Variants in AMPH observed in about 807,000 individuals in gnomAD.
AMPH encodes the protein amphiphysin (Stiff-Mann syndrome with breast cancer 128kD autoantigen).
Under a neutral mutation model 99.1 loss-of-function variants are expected in AMPH, and 49 were observed. The ratio of observed to expected loss-of-function variants is 0.49; its 90% CI spans 0.39 to 0.63. The LOEUF is 0.63. Among genes scored for constraint, AMPH ranks in the 20% least tolerant of loss-of-function variants. AMPH has a pLI of 0.00. For synonymous variants in AMPH, 314 were observed against 317.3 expected (o/e 0.99, Z 0.11); for missense variants, 759 against 863.4 (o/e 0.88, Z 1.52).
intron 12 of AMPH, among the ~76,000 whole-genome samples, chr7:38,434,948 T>A (rs1024630497): frequency 6.6e-6 from 1 of 152,232 alleles, no homozygotes; most frequent in African/African-American, 2.4e-5. Context: ...TTAGAGAACA[T>A]TCCAATGAAT....
chr7:38,513,317 AT>A (rs1789611921), intron 2 of AMPH, among the ~76,000 whole-genome samples: 2 of 152,288 alleles, frequency 1.3e-5, no homozygotes, highest in South Asian at 4.1e-4. Context: ...CAACAATTTC[AT>A]ACTATTTAGC....
At chr7:38,468,805 T>C (rs1787764825) in intron 7 of AMPH, among the ~76,000 whole-genome samples, 2 of 152,194 alleles carry the variant, frequency 1.3e-5, no homozygotes, top group South Asian at 4.1e-4. Context: ...CATTCCACTA[T>C]AAGAGCATAT....
intron 1 of AMPH, among the ~76,000 whole-genome samples, chr7:38,567,794 T>G (rs193058042): frequency 1.7e-3 from 258 of 152,278 alleles, no homozygotes; most frequent in Non-Finnish European, 3.1e-3. Flanking sequence ...GAGTTTTGTG[T>G]TTACATCATT....
At chr7:38,422,748 A>G (rs1218822577) in intron 15 of AMPH, among the ~76,000 whole-genome samples, 1 of 152,052 alleles carries the variant, frequency 6.6e-6, no homozygotes. Context: ...CCTCCTGAGT[A>G]GCTAGAAGTA....
chr7:38,394,622 C>A (rs1283855746), intron 17 of AMPH, among the ~76,000 whole-genome samples: 1 of 152,162 alleles, frequency 6.6e-6, no homozygotes, highest in Non-Finnish European at 1.5e-5. Flanking sequence ...ACTTACCATG[C>A]CAAAGGAAAG....
intron 12 of AMPH, among the ~76,000 whole-genome samples, chr7:38,433,280 T>C (rs10281867): frequency 0.25 from 38,558 of 152,192 alleles, 5,069 homozygotes; most frequent in East Asian, 0.39. Flanking sequence ...CCATGCAGCC[T>C]GCCTGGTCTC....
intron 4 of AMPH, 54 bp downstream of exon 4, chr7:38,494,379 A>T: frequency 7.0e-7 from 1 of 1,428,752 alleles, no homozygotes; most frequent in Non-Finnish European, 9.9e-7. Flanking sequence ...GTCAGGGGAC[A>T]GGTGGACTGA....
intron 2 of AMPH, among the ~76,000 whole-genome samples, 166 bp downstream of exon 2, chr7:38,534,765 T>C (rs1790535831): frequency 6.6e-6 from 1 of 152,230 alleles, no homozygotes; most frequent in Non-Finnish European, 1.5e-5. Context: ...TCTATGGCTC[T>C]TTCCCCGTCT....
intron 2 of AMPH, among the ~76,000 whole-genome samples, chr7:38,524,002 G>C (rs746208155): frequency 5.9e-5 from 9 of 152,034 alleles, no homozygotes; most frequent in Non-Finnish European, 1.2e-4. Context: ...TATCTTACTA[G>C]AGATACCTGC....
Position 38,598,673 on chromosome 7 carries a change from G to T in AMPH, c.69+32610C>A, listed in dbSNP as rs141811854. ...TAATTTATATTTTATAGGTTTATCA[G>T]CCTGTTTCTAATTCCGTATTTTCTT... On this transcript the variant is annotated intron_variant, in intron 1 of 20. Coordinates refer to ENST00000356264, the MANE Select transcript of AMPH (RefSeq NM_001635.4). 4.8e-3 allele frequency among the ~76,000 whole-genome samples: 737 copies of T among 152,190 alleles called. 6 individuals carry two copies. The highest frequency in any genetic ancestry group is 0.017 in the African/African-American group (687 of 41,536).
rs569088562 is a variant in AMPH at position 38,436,528 on chromosome 7, C to G, written c.1018-140G>C. The G allele has an allele frequency of 9.2e-5, 59 of 642,176 alleles. 1 individual carries two copies. The African/African-American group carries it at 9.5e-4, about 10-fold the overall frequency. The allele number at this position is 642,176 out of a possible 1,614,324, so 39.8% of individuals were successfully genotyped here. A position where few individuals can be genotyped will look rare whatever the true frequency, so the allele number is the denominator to read the frequency against. ...CACTTTTATAAGCATGGTGGCTCACCCATATGCACCCAGTCACTCAGCTAA... is the reference window on the plus strand; with the variant it reads ...CACTTTTATAAGCATGGTGGCTCACGCATATGCACCCAGTCACTCAGCTAA... On this transcript the variant is annotated intron_variant, in intron 11 of 20. Coordinates refer to ENST00000356264, the MANE Select transcript of AMPH (RefSeq NM_001635.4).
chr7:38,562,553 A>T (rs1409020536), intron 1 of AMPH, among the ~76,000 whole-genome samples: 1 of 152,148 alleles, frequency 6.6e-6, no homozygotes, highest in African/African-American at 2.4e-5. Context: ...AAGTTGAGGA[A>T]TCCTAAGTCC....
intron 17 of AMPH, among the ~76,000 whole-genome samples, chr7:38,412,144 T>C (rs1252918208): frequency 6.6e-6 from 1 of 152,212 alleles, no homozygotes. Flanking sequence ...GAAAATGTTT[T>C]GGAACGAGAT....
intron 1 of AMPH, among the ~76,000 whole-genome samples, chr7:38,573,616 T>C (rs1792128047): frequency 6.6e-6 from 1 of 152,278 alleles, no homozygotes; most frequent in South Asian, 2.1e-4. Context: ...TACAGACTTC[T>C]AATGTTCATG....
chr7:38,388,552 C>A (rs990605631), intron 20 of AMPH, among the ~76,000 whole-genome samples: 1 of 151,036 alleles, frequency 6.6e-6, no homozygotes, highest in Admixed American at 6.6e-5. Flanking sequence ...TTTTAACTCA[C>A]ACTATGATTT....
intron 1 of AMPH, among the ~76,000 whole-genome samples, chr7:38,599,334 C>G (rs1584290023): frequency 1.3e-5 from 2 of 152,338 alleles, no homozygotes; most frequent in Admixed American, 1.3e-4. Context: ...CCTCATCCTC[C>G]TCAGCCTACT....
chr7:38,449,192 G>A lies in AMPH; in HGVS notation c.1017+12091C>T, dbSNP rs367732884. Among the ~76,000 whole-genome samples the A allele has an allele frequency of 2.6e-5, 4 of 152,090 alleles. No individual in the cohort carries two copies. In the East Asian group the frequency reaches 7.7e-4, roughly 29 times the overall value. On this transcript the variant is annotated intron_variant, in intron 11 of 20. Coordinates refer to ENST00000356264, the MANE Select transcript of AMPH (RefSeq NM_001635.4). ...ACTTTGCTAATATCAACACTCAAAC[G>A]AGTTCTAGAGAACCTGCATCCTGGA...
At chr7:38,497,863 T>C (rs144950410) in intron 3 of AMPH, among the ~76,000 whole-genome samples, 110 of 152,276 alleles carry the variant, frequency 7.2e-4, no homozygotes, top group African/African-American at 2.5e-3. Flanking sequence ...ACCCTACCCC[T>C]TAGTCATGCC....
rs560796870 is a variant in AMPH at position 38,470,408 on chromosome 7, G to A, written c.591-4160C>T. ...AAACCCCTCTGGACGTTTACCAAAG[G>A]TGATGCCTCTTTAGTCCTCATCTGC... is the stretch of plus-strand genomic sequence containing the variant. On this transcript the variant is annotated intron_variant, in intron 7 of 20. Coordinates refer to ENST00000356264, the MANE Select transcript of AMPH (RefSeq NM_001635.4). Among the ~76,000 whole-genome samples, 4 of 152,074 alleles carry A rather than the reference G, an allele frequency of 2.6e-5. No individual in the cohort carries two copies. In the East Asian group the frequency reaches 7.7e-4, roughly 29 times the overall value.
Sources: gnomAD v4.1 joint callset for allele counts (sites outside exome capture counted in the v4.1 genomes callset) on GRCh38, gnomAD v4.1.1 for gene constraint, MANE v1.5 for transcripts, NCBI Gene and HGNC (gene_info 2026-07-23, HGNC 2026-07-21) for gene names.